The following JAG1 variants were observed in gnomAD, a reference collection of about 807,000 sequenced individuals.
The protein encoded by JAG1 is protein jagged-1.
In JAG1, 23 loss-of-function variants were observed where a neutral mutation model predicts 148.7. That is an observed-to-expected ratio of 0.15 (90% CI 0.11 to 0.22). The LOEUF (loss-of-function observed/expected upper bound fraction) is 0.22, where lower values mean the gene tolerates loss of function less well. JAG1 is among the 10% of genes least tolerant of loss of function. The probability of loss-of-function intolerance (pLI) is 1.00; values close to 1 mark genes in which losing one functional copy is unlikely to be tolerated. For synonymous variants in JAG1, 572 were observed against 598.3 expected (o/e 0.96, Z 0.64); for missense variants, 1,054 against 1,611.2 (o/e 0.65, Z 5.92).
rs571338793 is a variant in JAG1 at position 10,640,634 on chromosome 20, A to G, written c.3199+149T>C. On this transcript the variant is annotated intron_variant, in intron 25 of 25. Coordinates refer to ENST00000254958, the MANE Select transcript of JAG1 (RefSeq NM_000214.3). Reference sequence around the variant, plus strand: ...TTCCCATGGGCCATGTGACCTTAGTAAAGTAGGCTGCCCTCAGTTCTCAGT... The same window carrying G: ...TTCCCATGGGCCATGTGACCTTAGTGAAGTAGGCTGCCCTCAGTTCTCAGT... 8.8e-6 allele frequency: 7 copies of G among 793,102 alleles called. No homozygotes were observed. The East Asian group carries it at 1.5e-4, about 17-fold the overall frequency. 49.1% of individuals were successfully genotyped at this position (793,102 alleles called of 1,614,324 possible).
chr20:10,646,576 G>A (rs1297777972), intron 14 of JAG1, among the ~76,000 whole-genome samples: 1 of 152,268 alleles, frequency 6.6e-6, no homozygotes, highest in Middle Eastern at 3.4e-3. Flanking sequence ...GCCAAGTTGG[G>A]GGTCGGGGGG....
intron 3 of JAG1, among the ~76,000 whole-genome samples, chr20:10,661,122 A>G (rs2067414163): frequency 6.6e-6 from 1 of 152,234 alleles, no homozygotes; most frequent in Non-Finnish European, 1.5e-5. Flanking sequence ...CCACAGTCCC[A>G]AAATGTAATA....
rs774064917 is a variant in JAG1 at position 10,649,491 on chromosome 20, T to A, written c.1348+31A>T. 2.8e-6 allele frequency: 4 copies of A among 1,445,526 alleles called. No homozygotes were observed. The South Asian group carries it at 3.4e-5, about 12-fold the overall frequency. The allele number at this position is 1,445,526 out of a possible 1,614,324, so 89.5% of individuals were successfully genotyped here. On this transcript the variant is annotated intron_variant, in intron 10 of 25. Coordinates refer to ENST00000254958, the MANE Select transcript of JAG1 (RefSeq NM_000214.3). ...CAGCAAGTCGGCTACCCAAGTTTCATGAAAATCAAAATGGAAACAAAGTCA... is the reference window on the plus strand; with the variant it reads ...CAGCAAGTCGGCTACCCAAGTTTCAAGAAAATCAAAATGGAAACAAAGTCA...
At chr20:10,664,456 G>T (rs1176671081) in intron 2 of JAG1, among the ~76,000 whole-genome samples, 2 of 151,764 alleles carry the variant, frequency 1.3e-5, no homozygotes, top group Non-Finnish European at 1.5e-5. Flanking sequence ...TTGTACCGAG[G>T]GGGTATTGCT....
chr20:10,664,412 A>ACACACACACACACACACACACACAC (rs398035347), intron 2 of JAG1, among the ~76,000 whole-genome samples: 1 of 150,742 alleles, frequency 6.6e-6, no homozygotes, highest in East Asian at 1.9e-4. Flanking sequence ...ACACACACAC[A>ACACACACACACACACACACACACAC]AAGAATTTAT....
rs1006245301 is a variant in JAG1, at chr20:10,637,805, T to A, written c.*1693A>T. On this transcript the variant is annotated 3_prime_UTR_variant, in exon 26 of 26. Coordinates refer to ENST00000254958, the MANE Select transcript of JAG1 (RefSeq NM_000214.3). Reference sequence around the variant, plus strand: ...CAGCTTCACAGCAGCCCCAGGTCTTTGAGAACTCCAGATGAGTTTTGTGGT... The same window carrying A: ...CAGCTTCACAGCAGCCCCAGGTCTTAGAGAACTCCAGATGAGTTTTGTGGT... The A allele has an allele frequency of 1.3e-5, 2 of 152,644 alleles. No homozygotes were observed. Among genetic ancestry groups the A allele is most frequent in the Non-Finnish European group, 2.9e-5 (2 of 68,050 alleles). 9.5% of individuals were successfully genotyped at this position (152,644 alleles called of 1,614,324 possible).
In JAG1 at chr20:10,638,976, CAA is replaced by C. The variant is rs1162489611; in HGVS notation, c.*520_*521del. 1.3e-5 allele frequency: 2 copies of C among 155,360 alleles called. No homozygotes were observed. Among genetic ancestry groups the C allele is most frequent in the African/African-American group, 4.8e-5 (2 of 41,410 alleles). The allele number at this position is 155,360 out of a possible 1,614,324, so 9.6% of individuals were successfully genotyped here. ...TCATTTTACCAGCAACTGCTGACAT[CAA>C]AGTCTCCCCTCCCCCAACAACAAAA... On this transcript the variant is annotated 3_prime_UTR_variant, in exon 26 of 26. Transcript: ENST00000254958.
rs35826283 is a variant in JAG1, at chr20:10,659,559, C to CTTTTTTTTTTTTTT, written c.440-851_440-838dup. The stretch of plus-strand genomic sequence containing the variant: ...GGAAGCCAAGGAGACGATTAAGTTA[C>CTTTTTTTTTTTTTT]TTTTTTTTTTTTTTTTTTTTTTTTT... On this transcript the variant is annotated intron_variant, in intron 3 of 25. Transcript: ENST00000254958. 1.0e-4 allele frequency among the ~76,000 whole-genome samples: 11 copies of CTTTTTTTTTTTTTT among 105,138 alleles called. 4 individuals carry two copies. The highest frequency in any genetic ancestry group is 6.8e-4 in the South Asian group (2 of 2,938). The allele number at this position is 105,138 out of a possible 152,430, so 69.0% of individuals were successfully genotyped here.
At chr20:10,665,572 A>C (rs2067448342) in intron 2 of JAG1, among the ~76,000 whole-genome samples, 1 of 152,234 alleles carries the variant, frequency 6.6e-6, no homozygotes, top group South Asian at 2.1e-4. Context: ...GAGCAGCAAG[A>C]AATTATATTT....
intron 23 of JAG1, 26 bp from the exon 24 acceptor site, chr20:10,641,270 C>T: frequency 6.2e-7 from 1 of 1,612,572 alleles, no homozygotes; most frequent in South Asian, 1.1e-5. Flanking sequence ...AAAACCCACA[C>T]ACGTGTAAGA....
rs2067254460 is a variant in JAG1 at position 10,639,419 on chromosome 20, C to G, written c.*79G>C. 2 of 1,298,300 alleles carry G rather than the reference C, an allele frequency of 1.5e-6. No individual in the cohort carries two copies. The highest frequency in any genetic ancestry group is 1.7e-5 in the Admixed American group (1 of 59,614). The allele number at this position is 1,298,300 out of a possible 1,614,324, so 80.4% of individuals were successfully genotyped here. The stretch of plus-strand genomic sequence containing the variant: ...AGGGATTCTAAGTCAGCAACGGCCT[C>G]AGACTCGAGTATGACACGACAGTTT... On this transcript the variant is annotated 3_prime_UTR_variant, in exon 26 of 26. Coordinates refer to ENST00000254958, the MANE Select transcript of JAG1 (RefSeq NM_000214.3).
chr20:10,673,302 G>A lies in JAG1; in HGVS notation c.81+148C>T, dbSNP rs948268763. The A allele has an allele frequency of 2.9e-6, 2 of 700,616 alleles. No individual in the cohort carries two copies. The highest frequency in any genetic ancestry group is 4.7e-6 in the Non-Finnish European group (2 of 423,578). 43.4% of individuals were successfully genotyped at this position (700,616 alleles called of 1,614,324 possible). ...GGGGCTCCCGTGGGGGAGTTGGCGCGCTCAGCCCAGGTGCAGCCGCTCGGG... is the reference window on the plus strand; with the variant it reads ...GGGGCTCCCGTGGGGGAGTTGGCGCACTCAGCCCAGGTGCAGCCGCTCGGG... On this transcript the variant is annotated intron_variant, in intron 1 of 25. Coordinates refer to ENST00000254958, the MANE Select transcript of JAG1 (RefSeq NM_000214.3). This position sits in a 1 kb window ranked among gnomAD's most constrained non-coding sequence, Gnocchi z 4.7.
At chr20:10,666,268 G>C (rs994450250) in intron 2 of JAG1, among the ~76,000 whole-genome samples, 5 of 152,136 alleles carry the variant, frequency 3.3e-5, no homozygotes, top group African/African-American at 1.2e-4. Flanking sequence ...ATTTAACAAT[G>C]ATTATTAGTT....
chr20:10,658,797 T>A (rs1186397223), intron 3 of JAG1, 75 bp from the exon 4 acceptor site: 2 of 1,480,966 alleles, frequency 1.4e-6, no homozygotes, highest in East Asian at 4.5e-5. Context: ...CTTTTTAAAA[T>A]AAAAACATAT....
chr20:10,673,361 C>G lies in JAG1; in HGVS notation c.81+89G>C. 1 of 1,019,308 alleles carries G rather than the reference C, an allele frequency of 9.8e-7. No individual in the cohort carries two copies. The highest frequency in any genetic ancestry group is 1.4e-6 in the Non-Finnish European group (1 of 716,644). 63.1% of individuals were successfully genotyped at this position (1,019,308 alleles called of 1,614,324 possible). ...CGAGGAGTCGGGCGCTCGAGGGCTG[C>G]CGAGCCTGCTCGCGGGGCTCAACCG... is the stretch of plus-strand genomic sequence containing the variant. On this transcript the variant is annotated intron_variant, in intron 1 of 25. Transcript: ENST00000254958. The surrounding 1 kb of genome is among the most constrained non-coding windows in gnomAD (Gnocchi z 4.7).
chr20:10,648,862 T>A, intron 11 of JAG1, 140 bp from the exon 12 acceptor site: 1 of 971,906 alleles, frequency 1.0e-6, no homozygotes. Flanking sequence ...CTGAAAGTGG[T>A]TAGAGGAATT....
chr20:10,646,572 T>C (rs1191937163), intron 14 of JAG1, among the ~76,000 whole-genome samples: 3 of 149,626 alleles, frequency 2.0e-5, no homozygotes, highest in Admixed American at 6.9e-5. Flanking sequence ...GGAGGCCAAG[T>C]TGGGGGTCGG....
chr20:10,645,275 G>T lies in JAG1; in HGVS notation c.2114-19C>A, dbSNP rs564426408. The T allele has an allele frequency of 3.1e-6, 5 of 1,610,884 alleles. No individual in the cohort carries two copies. Among genetic ancestry groups the T allele is most frequent in the Non-Finnish European group, 2.5e-6 (3 of 1,177,050 alleles). ...CTGTCACCTGGAGGAAAATATTTCA[G>T]TGTGAGTCCCAGTGGCCCCCTCCCA... On this transcript the variant is annotated intron_variant, in intron 16 of 25. Transcript: ENST00000254958. The surrounding 1 kb of genome is among the most constrained non-coding windows in gnomAD (Gnocchi z 6.1).
chr20:10,664,657 G>A (rs2067441240), intron 2 of JAG1, among the ~76,000 whole-genome samples: 1 of 152,110 alleles, frequency 6.6e-6, no homozygotes, highest in Non-Finnish European at 1.5e-5. Context: ...CTTGGGCGGT[G>A]GAGTTGGGGG....
Sources: gnomAD v4.1 joint callset for allele counts (sites outside exome capture counted in the v4.1 genomes callset) on GRCh38, gnomAD v4.1.1 for gene constraint, Gnocchi (gnomAD v3.1) non-coding constraint, MANE v1.5 for transcripts, NCBI Gene and HGNC (gene_info 2026-07-23, HGNC 2026-07-21) for gene names.